The following ARAP1 variants were observed in gnomAD, a reference collection of about 807,000 sequenced individuals.
The protein encoded by ARAP1 is ArfGAP with RhoGAP domain, ankyrin repeat and PH domain 1, also known as arf-GAP with Rho-GAP domain, ANK repeat and PH domain-containing protein 1.
In ARAP1, 76 loss-of-function variants were observed where a neutral mutation model predicts 172.2. The ratio of observed to expected loss-of-function variants is 0.44; its 90% CI spans 0.37 to 0.53. ARAP1 has a LOEUF of 0.53. ARAP1 is among the 20% of genes least tolerant of loss of function. The pLI is 0.00. For synonymous variants in ARAP1, 804 were observed against 803.3 expected, an observed-to-expected ratio of 1.00 and a Z score of -0.01; for missense variants, 1,686 against 1,977.5, an observed-to-expected ratio of 0.85 and a Z score of 2.80.
intron 4 of ARAP1, among the ~76,000 whole-genome samples, chr11:72,713,708 A>G (rs1418918924): frequency 2.0e-5 from 3 of 151,942 alleles, no homozygotes; most frequent in Non-Finnish European, 4.4e-5. Context: ...TTAGCCAGGT[A>G]TGGTGGCGGG....
chr11:72,750,349 G>T (rs1858495741), intron 1 of ARAP1, among the ~76,000 whole-genome samples: 1 of 152,216 alleles, frequency 6.6e-6, no homozygotes, highest in South Asian at 2.1e-4. Context: ...ACTTGTTTGG[G>T]CAGTGGCGGG....
intron 22 of ARAP1, 87 bp from the exon 23 acceptor site, chr11:72,696,741 G>A: frequency 8.7e-7 from 1 of 1,143,654 alleles, no homozygotes; most frequent in Non-Finnish European, 1.2e-6. Flanking sequence ...CTCATGGTGG[G>A]TGACAGCAGT....
In ARAP1 at chr11:72,698,997, A is replaced by G; in HGVS notation, c.2541+8T>C. The G allele has an allele frequency of 6.2e-7, 1 of 1,614,018 alleles. No individual in the cohort carries two copies. Among genetic ancestry groups the G allele is most frequent in the Non-Finnish European group, 8.5e-7 (1 of 1,179,928 alleles). On this transcript the variant is annotated splice_region_variant and intron_variant, in intron 18 of 34. Transcript: ENST00000393609. ...ACCCTTACACCCACCCTGCTACCCC[A>G]GGCTCACCTTAGCAATACACTTGAC...
Position 72,749,935 on chromosome 11 carries a change from C to T in ARAP1, c.-128+2393G>A, listed in dbSNP as rs565154974. On this transcript the variant is annotated intron_variant, in intron 1 of 34. Coordinates refer to ENST00000393609, the MANE Select transcript of ARAP1 (RefSeq NM_001040118.3). ...CCCCCAGAGAGGCCAGACTAGGAGA[C>T]AGAACCTGTCCTGACCCCCACCAGG... Among the ~76,000 whole-genome samples the T allele has an allele frequency of 1.8e-3, 278 of 152,100 alleles. 2 individuals carry two copies. Among genetic ancestry groups the T allele is most frequent in the Non-Finnish European group, 3.3e-3 (223 of 67,978 alleles).
intron 1 of ARAP1, among the ~76,000 whole-genome samples, chr11:72,738,931 C>T (rs970802533): frequency 2.0e-5 from 3 of 152,210 alleles, no homozygotes; most frequent in Non-Finnish European, 2.9e-5. Flanking sequence ...GCCCCCTCCC[C>T]GGCCCAGTCA....
At chr11:72,688,644 TC>T in intron 30 of ARAP1, 107 bp from the exon 31 acceptor site, 1 of 949,986 alleles carries the variant, frequency 1.1e-6, no homozygotes, top group Non-Finnish European at 1.6e-6. Context: ...CCTCTTTGCA[TC>T]CCAGCACAGG....
At chr11:72,704,960 G>GC (rs1856687698) in intron 13 of ARAP1, 2 of 152,626 alleles carry the variant, frequency 1.3e-5, no homozygotes, top group African/African-American at 4.8e-5. Context: ...GTGTCTTCCA[G>GC]CAAGTTATTT....
intron 2 of ARAP1, among the ~76,000 whole-genome samples, 187 bp downstream of exon 2, chr11:72,732,328 G>T (rs1265589697): frequency 5.3e-5 from 8 of 152,290 alleles, no homozygotes; most frequent in African/African-American, 1.9e-4. Flanking sequence ...CTGTTCCAAG[G>T]TTCCAAGGCC....
intron 3 of ARAP1, among the ~76,000 whole-genome samples, chr11:72,714,986 C>A (rs1591213163): frequency 6.6e-6 from 1 of 152,222 alleles, no homozygotes; most frequent in East Asian, 1.9e-4. Flanking sequence ...AAGTTCAGGG[C>A]CTCCTGGGCT....
At chr11:72,730,451 C>T (rs1413499201) in intron 2 of ARAP1, among the ~76,000 whole-genome samples, 4 of 152,044 alleles carry the variant, frequency 2.6e-5, no homozygotes, top group Non-Finnish European at 5.9e-5. Flanking sequence ...GGGCTGGGCG[C>T]GGTGGCTCAC....
At position 72,710,067 on chromosome 11, in the gene ARAP1, C is replaced by T. The variant is rs921449092; in HGVS notation, c.1417-91G>A. Reference sequence around the variant, plus strand: ...GAGAGGAAGGGAAGGTGGTGCAACTCAGGGACTGGGGGGGGTGCCCAGGAG... The same window carrying T: ...GAGAGGAAGGGAAGGTGGTGCAACTTAGGGACTGGGGGGGGTGCCCAGGAG... On this transcript the variant is annotated intron_variant, in intron 10 of 34. Transcript: ENST00000393609. This position sits in a 1 kb window ranked among gnomAD's most constrained non-coding sequence, Gnocchi z 4.3. 1.2e-4 allele frequency: 139 copies of T among 1,200,622 alleles called. No homozygotes were observed. The highest frequency in any genetic ancestry group is 1.7e-4 in the Non-Finnish European group (134 of 812,102). The allele number at this position is 1,200,622 out of a possible 1,614,324, so 74.4% of individuals were successfully genotyped here. A position where few individuals can be genotyped will look rare whatever the true frequency, so the allele number is the denominator to read the frequency against.
intron 3 of ARAP1, among the ~76,000 whole-genome samples, chr11:72,721,124 C>T (rs1166815526): frequency 6.6e-6 from 1 of 152,158 alleles, no homozygotes; most frequent in Non-Finnish European, 1.5e-5. Context: ...CCGCTGGGCC[C>T]TATGGAAAAG....
chr11:72,697,767 G>A, intron 19 of ARAP1, 118 bp from the exon 20 acceptor site: 1 of 1,519,040 alleles, frequency 6.6e-7, no homozygotes, highest in Non-Finnish European at 9.0e-7. Context: ...TGGGGTGGCT[G>A]AGATGCACCC....
chr11:72,713,675 G>A (rs758575960), intron 4 of ARAP1, among the ~76,000 whole-genome samples: 4 of 151,816 alleles, frequency 2.6e-5, no homozygotes, highest in Non-Finnish European at 5.9e-5. Context: ...GTGAAACCCC[G>A]TCTCTACTAA....
Position 72,705,883 on chromosome 11 carries a change from G to A in ARAP1, c.1731C>T (p.His577=), listed in dbSNP as rs751200192. Residue 577 remains histidine, a synonymous_variant, in exon 13 of 35, where the codon CAC becomes CAT. Coordinates refer to ENST00000393609, the MANE Select transcript of ARAP1 (RefSeq NM_001040118.3). ...VVICKRCAGE[H]RGLGAGVSKV... ...TGGAGACGCCAGCGCCCAGGCCACG[G>A]TGCTCCCCTGTAGACACAGGGCCAG... 2.9e-5 allele frequency: 47 copies of A among 1,614,030 alleles called. No individual in the cohort carries two copies. The highest frequency in any genetic ancestry group is 3.0e-5 in the Non-Finnish European group (35 of 1,179,942).
intron 14 of ARAP1, 192 bp downstream of exon 14, chr11:72,703,960 G>C (rs1239940454): frequency 1.5e-6 from 1 of 674,694 alleles, no homozygotes; most frequent in East Asian, 2.9e-5. Context: ...GGTCAGGCCT[G>C]GCTCCTCCCT....
At chr11:72,738,107 T>C (rs2135586195) in intron 1 of ARAP1, among the ~76,000 whole-genome samples, 1 of 152,214 alleles carries the variant, frequency 6.6e-6, no homozygotes, top group South Asian at 2.1e-4. Context: ...ACTTGGGCCT[T>C]GAAGGATAAG....
In ARAP1 at chr11:72,697,140, C is replaced by T; in HGVS notation, c.3009G>A (p.Arg1003=). ...RKCGQTSKTQ[R]LLESLRQDAR... ...CATCCTGCCGCAGGCTCTCCAGCAGCCGCTGTGTCTTCGATGTCTGCCCAC... is the reference window on the plus strand; with the variant it reads ...CATCCTGCCGCAGGCTCTCCAGCAGTCGCTGTGTCTTCGATGTCTGCCCAC... Residue 1003 remains arginine, a synonymous_variant, in exon 22 of 35, where the codon CGG becomes CGA. Transcript: ENST00000393609. 6.2e-7 allele frequency: 1 copy of T among 1,605,892 alleles called. No individual in the cohort carries two copies. Among genetic ancestry groups the T allele is most frequent in the Non-Finnish European group, 8.5e-7 (1 of 1,179,898 alleles).
chr11:72,733,455 C>T (rs920749929), intron 1 of ARAP1, among the ~76,000 whole-genome samples: 1 of 152,010 alleles, frequency 6.6e-6, no homozygotes, highest in Non-Finnish European at 1.5e-5. Flanking sequence ...ACCCCAGGGC[C>T]CTGCCCCTAA....
Sources: gnomAD v4.1 joint callset for allele counts (sites outside exome capture counted in the v4.1 genomes callset) on GRCh38, gnomAD v4.1.1 for gene constraint, Gnocchi (gnomAD v3.1) non-coding constraint, MANE v1.5 for transcripts, NCBI Gene and HGNC (gene_info 2026-07-23, HGNC 2026-07-21) for gene names.